ERBB4: variants seen among roughly 807,000 people sequenced by gnomAD.
ERBB4 encodes the protein erb-b2 receptor tyrosine kinase 4.
ERBB4 carries 42 observed loss-of-function variants against 158.0 expected under a neutral mutation model. That is an observed-to-expected ratio of 0.27 (90% CI 0.21 to 0.34). The LOEUF is 0.34. ERBB4 is among the 10% of genes least tolerant of loss of function. The probability of loss-of-function intolerance (pLI) is 1.00; values close to 1 mark genes in which losing one functional copy is unlikely to be tolerated. For missense variants in ERBB4, 1,333 were observed against 1,624.1 expected (o/e 0.82, Z 3.08); for synonymous variants, 583 against 558.7 (o/e 1.04, Z -0.61).
At chr2:212,497,199 C>T (rs904935094) in intron 1 of ERBB4, among the ~76,000 whole-genome samples, 2 of 150,240 alleles carry the variant, frequency 1.3e-5, no homozygotes, top group African/African-American at 4.9e-5. Context: ...AAAAAAAAAC[C>T]CTATATTTTT....
rs115880450 is a variant in ERBB4, at chr2:212,230,278, G to A, written c.83-105375C>T. Among the ~76,000 whole-genome samples the A allele has an allele frequency of 9.4e-3, 1,430 of 151,868 alleles. 22 individuals carry two copies. The highest frequency in any genetic ancestry group is 0.033 in the African/African-American group (1,369 of 41,406). On this transcript the variant is annotated intron_variant, in intron 1 of 27. Transcript: ENST00000342788. ...CCAGCCTGGGCAACAGCAAGACTCT[G>A]TCTTGAAAAAAAAGGAAAAAGAATA...
chr2:211,907,476 G>T (rs997363529), intron 3 of ERBB4, among the ~76,000 whole-genome samples: 1 of 150,890 alleles, frequency 6.6e-6, no homozygotes, highest in Non-Finnish European at 1.5e-5. Context: ...GAATACTAGA[G>T]ACCATATAAG....
intron 20 of ERBB4, among the ~76,000 whole-genome samples, chr2:211,507,968 T>A (rs922101176): frequency 2.0e-5 from 3 of 152,110 alleles, no homozygotes; most frequent in African/African-American, 7.2e-5. Context: ...CCTTACACCT[T>A]ATACACAAAT....
chr2:212,065,866 G>A (rs2077929222), intron 2 of ERBB4, among the ~76,000 whole-genome samples: 1 of 151,996 alleles, frequency 6.6e-6, no homozygotes, highest in Non-Finnish European at 1.5e-5. Context: ...AAATAGAAAT[G>A]TGCTTGTTCT....
At chr2:212,180,400 C>T (rs2081821484) in intron 1 of ERBB4, among the ~76,000 whole-genome samples, 1 of 151,618 alleles carries the variant, frequency 6.6e-6, no homozygotes, top group Non-Finnish European at 1.5e-5. Context: ...AGAAACAAGT[C>T]CACTTAGACA....
chr2:212,024,214 C>G (rs2076722165), intron 2 of ERBB4, among the ~76,000 whole-genome samples: 1 of 151,856 alleles, frequency 6.6e-6, no homozygotes, highest in African/African-American at 2.4e-5. Flanking sequence ...AATGTATTAT[C>G]TCAGCCCAGA....
At chr2:212,266,336 T>A (rs930012691) in intron 1 of ERBB4, among the ~76,000 whole-genome samples, 3 of 152,010 alleles carry the variant, frequency 2.0e-5, no homozygotes, top group South Asian at 2.1e-4. Context: ...GCAGAAGAGC[T>A]TTTCTTTTTG....
At chr2:212,508,996 G>T (rs982645294) in intron 1 of ERBB4, among the ~76,000 whole-genome samples, 2 of 152,008 alleles carry the variant, frequency 1.3e-5, no homozygotes, top group Non-Finnish European at 2.9e-5. Context: ...ATTTTCTAAT[G>T]TCCTTAAGAC....
intron 3 of ERBB4, among the ~76,000 whole-genome samples, chr2:211,824,737 C>T (rs7604677): frequency 2.0e-5 from 3 of 151,770 alleles, no homozygotes; most frequent in Non-Finnish European, 2.9e-5. Context: ...TTAAAAAGAC[C>T]GAAAATAATT....
intron 2 of ERBB4, among the ~76,000 whole-genome samples, chr2:212,124,398 A>G (rs182244484): frequency 2.2e-4 from 33 of 152,292 alleles, no homozygotes; most frequent in Admixed American, 1.5e-3. Flanking sequence ...AGAGGCAGAA[A>G]TGGAGACGAC....
intron 1 of ERBB4, among the ~76,000 whole-genome samples, chr2:212,457,454 T>A (rs1688353267): frequency 6.6e-6 from 1 of 152,014 alleles, no homozygotes; most frequent in South Asian, 2.1e-4. Context: ...ACACAGAGTA[T>A]CCTCTCAGAA....
At chr2:211,502,316 A>G (rs770987889) in intron 20 of ERBB4, among the ~76,000 whole-genome samples, 4 of 152,164 alleles carry the variant, frequency 2.6e-5, no homozygotes, top group Non-Finnish European at 1.5e-5. Flanking sequence ...TATTCTTGAC[A>G]TTTTATATAC....
chr2:211,979,514 G>A (rs1226287088), intron 2 of ERBB4, among the ~76,000 whole-genome samples: 1 of 152,004 alleles, frequency 6.6e-6, no homozygotes, highest in Non-Finnish European at 1.5e-5. Flanking sequence ...TATGCTTCTG[G>A]TAATCCTTAA....
At position 212,243,745 on chromosome 2, in the gene ERBB4, T is replaced by G. The variant is rs188716667; in HGVS notation, c.83-118842A>C. Among the ~76,000 whole-genome samples, 16 of 152,192 alleles carry G rather than the reference T, an allele frequency of 1.1e-4. No individual in the cohort carries two copies. In the East Asian group the frequency reaches 3.1e-3, roughly 29 times the overall value. On this transcript the variant is annotated intron_variant, in intron 1 of 27. Transcript: ENST00000342788. Reference sequence around the variant, plus strand: ...CCCTAGAATTAGGGCAAAAATTACATAAGATATCAAATGATGCCACCATCG... The same window carrying G: ...CCCTAGAATTAGGGCAAAAATTACAGAAGATATCAAATGATGCCACCATCG...
At chr2:211,416,068 G>A (rs535672512) in intron 25 of ERBB4, among the ~76,000 whole-genome samples, 2 of 152,282 alleles carry the variant, frequency 1.3e-5, no homozygotes, top group South Asian at 2.1e-4. Context: ...TTTGACAGAG[G>A]AGCATTTAAT....
chr2:211,808,672 T>C (rs959413553), intron 3 of ERBB4, among the ~76,000 whole-genome samples: 1 of 152,194 alleles, frequency 6.6e-6, no homozygotes, highest in African/African-American at 2.4e-5. Flanking sequence ...AAGAAAGTCA[T>C]TGGTAGCTTC....
intron 1 of ERBB4, among the ~76,000 whole-genome samples, chr2:212,142,766 C>T (rs2080528580): frequency 6.6e-6 from 1 of 151,826 alleles, no homozygotes; most frequent in Non-Finnish European, 1.5e-5. Context: ...GCCTCATGTG[C>T]TGCTGAGAGC....
chr2:211,783,828 T>C (rs1000288473), intron 4 of ERBB4, among the ~76,000 whole-genome samples: 1 of 152,198 alleles, frequency 6.6e-6, no homozygotes, highest in Non-Finnish European at 1.5e-5. Flanking sequence ...TCTAAAATTC[T>C]CTTTTTTTTG....
intron 2 of ERBB4, among the ~76,000 whole-genome samples, chr2:212,046,569 T>C (rs1383193082): frequency 6.6e-6 from 1 of 152,264 alleles, no homozygotes; most frequent in African/African-American, 2.4e-5. Context: ...ATTTATCATT[T>C]ACCTTCGTAT....
Sources: gnomAD v4.1 joint callset for allele counts (sites outside exome capture counted in the v4.1 genomes callset) on GRCh38, gnomAD v4.1.1 for gene constraint, MANE v1.5 for transcripts, NCBI Gene and HGNC (gene_info 2026-07-23, HGNC 2026-07-21) for gene names.